The following GABRG3 variants were observed in gnomAD, a reference collection of about 807,000 sequenced individuals.
GABRG3 encodes gamma-aminobutyric acid type A receptor subunit gamma3, also known as gamma-aminobutyric acid receptor subunit gamma-3.
In GABRG3, 25 loss-of-function variants were observed where a neutral mutation model predicts 48.8. The ratio of observed to expected loss-of-function variants is 0.51; its 90% CI spans 0.37 to 0.72. GABRG3 has a LOEUF of 0.72. Among genes scored for constraint, GABRG3 ranks in the 30% least tolerant of loss-of-function variants. GABRG3 has a pLI of 0.00. For missense variants in GABRG3, 394 were observed against 577.9 expected (o/e 0.68, Z 3.26); for synonymous variants, 227 against 217.6 (o/e 1.04, Z -0.38).
intron 3 of GABRG3, among the ~76,000 whole-genome samples, chr15:27,231,351 A>G (rs1441600339): frequency 6.6e-6 from 1 of 152,232 alleles, no homozygotes; most frequent in South Asian, 2.1e-4. Flanking sequence ...TCACAATAAC[A>G]TGGATGACTT....
intron 2 of GABRG3, among the ~76,000 whole-genome samples, chr15:27,021,544 G>A (rs1000032218): frequency 7.2e-5 from 11 of 152,266 alleles, no homozygotes; most frequent in South Asian, 2.1e-4. Context: ...ACACTTACTC[G>A]AAATTTATGT....
intron 5 of GABRG3, among the ~76,000 whole-genome samples, chr15:27,389,736 C>T (rs544932159): frequency 2.6e-5 from 4 of 152,204 alleles, no homozygotes; most frequent in Non-Finnish European, 5.9e-5. Context: ...AACACATCAA[C>T]TTATATTTGG....
intron 3 of GABRG3, among the ~76,000 whole-genome samples, chr15:27,115,524 G>A (rs895768806): frequency 2.0e-5 from 3 of 152,108 alleles, no homozygotes; most frequent in African/African-American, 7.2e-5. Flanking sequence ...TGAAAAGTTG[G>A]TACGAATCCC....
At chr15:27,193,590 G>A (rs1178116959) in intron 3 of GABRG3, among the ~76,000 whole-genome samples, 3 of 152,178 alleles carry the variant, frequency 2.0e-5, no homozygotes, top group Non-Finnish European at 4.4e-5. Flanking sequence ...GTATTCGGGT[G>A]GGAGTAACCC....
intron 6 of GABRG3, among the ~76,000 whole-genome samples, chr15:27,513,275 G>T (rs981703160): frequency 6.6e-6 from 1 of 151,982 alleles, no homozygotes; most frequent in African/African-American, 2.4e-5. Context: ...GTGAAACCCT[G>T]TCTCTACTAA....
chr15:27,308,657 AAC>A (rs1892852399), intron 3 of GABRG3, among the ~76,000 whole-genome samples: 1 of 149,588 alleles, frequency 6.7e-6, no homozygotes, highest in Non-Finnish European at 1.5e-5. Context: ...CTTATGTATA[AAC>A]ATATAATGTA....
rs184421632 is a variant in GABRG3 at position 27,184,916 on chromosome 15, G to A, written c.271-141893G>A. On this transcript the variant is annotated intron_variant, in intron 3 of 9. Coordinates refer to ENST00000615808, the MANE Select transcript of GABRG3 (RefSeq NM_033223.5). ...TCACTCCTGATATTTGGCAATTTGC[G>A]TCTTATTTTTTTTTCCTTTGTCATT... Among the ~76,000 whole-genome samples, 433 of 152,026 alleles carry A rather than the reference G, an allele frequency of 2.8e-3. 1 individual carries two copies. The highest frequency in any genetic ancestry group is 4.5e-3 in the Non-Finnish European group (303 of 67,960).
chr15:27,200,996 G>A (rs1259547090), intron 3 of GABRG3, among the ~76,000 whole-genome samples: 1 of 152,106 alleles, frequency 6.6e-6, no homozygotes, highest in Non-Finnish European at 1.5e-5. Flanking sequence ...CAGATACTCA[G>A]CCTTCTCCAT....
Position 27,249,572 on chromosome 15 carries a change from A to G in GABRG3, c.271-77237A>G, listed in dbSNP as rs551286645. Among the ~76,000 whole-genome samples the G allele has an allele frequency of 2.0e-5, 3 of 152,326 alleles. No homozygotes were observed. In the South Asian group the frequency reaches 6.2e-4, roughly 32 times the overall value. On this transcript the variant is annotated intron_variant, in intron 3 of 9. Coordinates refer to ENST00000615808, the MANE Select transcript of GABRG3 (RefSeq NM_033223.5). ...CTGTGCTCACCACTGGATGCACTGT[A>G]GCTTTTCTTGTTTTCTTGGCCCCTG...
At chr15:27,139,713 C>G (rs1429587228) in intron 3 of GABRG3, among the ~76,000 whole-genome samples, 1 of 152,096 alleles carries the variant, frequency 6.6e-6, no homozygotes, top group East Asian at 1.9e-4. Context: ...TACAACTCCC[C>G]AAATCCTTAG....
At chr15:27,070,247 A>T (rs1311065349) in intron 3 of GABRG3, among the ~76,000 whole-genome samples, 1 of 152,240 alleles carries the variant, frequency 6.6e-6, no homozygotes, top group African/African-American at 2.4e-5. Flanking sequence ...ATACAAAGAG[A>T]CAGATAATCA....
chr15:27,124,101 A>G (rs1299736192), intron 3 of GABRG3, among the ~76,000 whole-genome samples: 1 of 152,200 alleles, frequency 6.6e-6, no homozygotes, highest in African/African-American at 2.4e-5. Context: ...AGTTTAACTC[A>G]TGTTAAGATC....
chr15:27,080,117 C>T (rs1484250372), intron 3 of GABRG3, among the ~76,000 whole-genome samples: 1 of 152,028 alleles, frequency 6.6e-6, no homozygotes, highest in Admixed American at 6.6e-5. Flanking sequence ...CTCAAGGCTC[C>T]CCAAACCATT....
At chr15:27,262,229 C>T (rs868612971) in intron 3 of GABRG3, among the ~76,000 whole-genome samples, 5 of 152,302 alleles carry the variant, frequency 3.3e-5, no homozygotes, top group African/African-American at 9.6e-5. Context: ...GGCCCTCCCG[C>T]GCATTTGCGT....
chr15:27,178,796 C>G (rs1337489540), intron 3 of GABRG3, among the ~76,000 whole-genome samples: 1 of 152,168 alleles, frequency 6.6e-6, no homozygotes, highest in African/African-American at 2.4e-5. Flanking sequence ...TTCCTCTTTT[C>G]TGGGTATGAG....
At chr15:27,363,997 A>C (rs1895109120) in intron 5 of GABRG3, 1 of 152,146 alleles carries the variant, frequency 6.6e-6, no homozygotes, top group Admixed American at 6.5e-5. Flanking sequence ...AAATAACCAA[A>C]GTGGACTTTC....
At chr15:27,302,040 C>G (rs776314084) in intron 3 of GABRG3, among the ~76,000 whole-genome samples, 1 of 151,926 alleles carries the variant, frequency 6.6e-6, no homozygotes, top group Non-Finnish European at 1.5e-5. Flanking sequence ...AAAAATTACA[C>G]AAGGAAGCTG....
At chr15:27,025,179 C>A (rs1431525582) in intron 2 of GABRG3, among the ~76,000 whole-genome samples, 4 of 152,136 alleles carry the variant, frequency 2.6e-5, no homozygotes, top group African/African-American at 7.2e-5. Flanking sequence ...CTGCTCACTG[C>A]AAGCTGTTAA....
At chr15:27,308,915 C>T (rs1243374393) in intron 3 of GABRG3, among the ~76,000 whole-genome samples, 1 of 149,356 alleles carries the variant, frequency 6.7e-6, no homozygotes, top group Non-Finnish European at 1.5e-5. Context: ...AGAATGTAAA[C>T]ATATGTTTAT....
Sources: gnomAD v4.1 joint callset for allele counts (sites outside exome capture counted in the v4.1 genomes callset) on GRCh38, gnomAD v4.1.1 for gene constraint, MANE v1.5 for transcripts, NCBI Gene and HGNC (gene_info 2026-07-23, HGNC 2026-07-21) for gene names.